Variants in NCOA2 observed in about 807,000 individuals in gnomAD.
NCOA2 encodes the protein class E basic helix-loop-helix protein 75.
NCOA2 carries 21 observed loss-of-function variants against 145.1 expected under a neutral mutation model. The observed-to-expected ratio is 0.14, with a 90% CI of 0.10 to 0.21. The LOEUF (loss-of-function observed/expected upper bound fraction) is 0.21, where lower values mean the gene tolerates loss of function less well. Among genes scored for constraint, NCOA2 ranks in the 10% least tolerant of loss-of-function variants. NCOA2 has a pLI of 1.00. For synonymous variants in NCOA2, 619 were observed against 637.5 expected (o/e 0.97, Z 0.44); for missense variants, 1,472 against 1,837.6 (o/e 0.80, Z 3.64).
chr8:70,405,182 CT>C (rs1258950176), upstream of NCOA2, among the ~76,000 whole-genome samples: 2 of 152,158 alleles, frequency 1.3e-5, no homozygotes, highest in Non-Finnish European at 2.9e-5. Context: ...AAAGCCCATG[CT>C]TTTAAACATG....
chr8:70,138,876 T>A (rs966522646), intron 14 of NCOA2, among the ~76,000 whole-genome samples: 2 of 152,278 alleles, frequency 1.3e-5, no homozygotes, highest in Admixed American at 1.3e-4. Flanking sequence ...TCATATAGCA[T>A]GTAAAATTTC....
chr8:70,128,553 T>C (rs1345689126), intron 17 of NCOA2, 43 bp from the exon 18 acceptor site: 1 of 1,597,960 alleles, frequency 6.3e-7, no homozygotes, highest in Non-Finnish European at 8.6e-7. Context: ...AAGAACAGAA[T>C]ACATTTTACT....
In NCOA2 at chr8:70,281,604, C is replaced by G. The variant is rs1190215724; in HGVS notation, c.-20+15140G>C. Among the ~76,000 whole-genome samples the G allele has an allele frequency of 5.5e-4, 83 of 152,092 alleles. 2 individuals carry two copies. Among genetic ancestry groups the G allele is most frequent in the Non-Finnish European group, 1.0e-4 (7 of 68,004 alleles). On this transcript the variant is annotated intron_variant, in intron 2 of 22. Coordinates refer to ENST00000452400, the MANE Select transcript of NCOA2 (RefSeq NM_006540.4). ...TCATCACCCCCCACCTCTTTGTTTTCTTGGATAGTAGCAGCAAAAGTAACA... is the reference window on the plus strand; with the variant it reads ...TCATCACCCCCCACCTCTTTGTTTTGTTGGATAGTAGCAGCAAAAGTAACA...
chr8:70,314,334 C>T (rs1160843227), intron 1 of NCOA2, among the ~76,000 whole-genome samples: 1 of 151,830 alleles, frequency 6.6e-6, no homozygotes, highest in Non-Finnish European at 1.5e-5. Flanking sequence ...CTATTTCTAT[C>T]TATGGACTAA....
upstream of NCOA2, among the ~76,000 whole-genome samples, chr8:70,408,549 A>G (rs951297855): frequency 2.0e-5 from 3 of 152,238 alleles, no homozygotes; most frequent in East Asian, 5.8e-4. Flanking sequence ...TTGTAGTTCC[A>G]GCTACTTGGG....
At chr8:70,187,429 T>C (rs2133154936) in intron 4 of NCOA2, among the ~76,000 whole-genome samples, 1 of 152,310 alleles carries the variant, frequency 6.6e-6, no homozygotes, top group East Asian at 1.9e-4. Flanking sequence ...GGTTACGTGC[T>C]CTCAAATACA....
At chr8:70,341,378 C>T (rs1222616166) in intron 1 of NCOA2, among the ~76,000 whole-genome samples, 1 of 152,148 alleles carries the variant, frequency 6.6e-6, no homozygotes, top group Non-Finnish European at 1.5e-5. Context: ...CAGAGCAAGA[C>T]CCTGTCTCAA....
the NCOA2 span, among the ~76,000 whole-genome samples, chr8:70,441,950 G>C: frequency 9.8e-4 from 129 of 131,962 alleles, 2 homozygotes; most frequent in Non-Finnish European, 8.6e-4. Context: ...AAGAAAGAAA[G>C]AAAGGAAAGA....
At chr8:70,231,788 T>C (rs1425794508) in intron 2 of NCOA2, among the ~76,000 whole-genome samples, 1 of 152,166 alleles carries the variant, frequency 6.6e-6, no homozygotes, top group South Asian at 2.1e-4. Context: ...TGCCCTTATA[T>C]AGAATCTTTC....
At chr8:70,313,583 A>G (rs1805306219) in intron 1 of NCOA2, among the ~76,000 whole-genome samples, 1 of 152,182 alleles carries the variant, frequency 6.6e-6, no homozygotes, top group Non-Finnish European at 1.5e-5. Flanking sequence ...CCTTCACCTC[A>G]TATATATGAA....
intron 2 of NCOA2, among the ~76,000 whole-genome samples, chr8:70,282,200 T>C (rs919387167): frequency 3.3e-5 from 5 of 152,174 alleles, no homozygotes; most frequent in Admixed American, 3.3e-4. Flanking sequence ...CATCTCAATA[T>C]GGGGTTCATG....
intron 1 of NCOA2, among the ~76,000 whole-genome samples, chr8:70,300,468 T>C (rs1827403438): frequency 6.6e-6 from 1 of 152,184 alleles, no homozygotes; most frequent in Non-Finnish European, 1.5e-5. Flanking sequence ...CATATGGTGG[T>C]GTGAACACCT....
the NCOA2 span, among the ~76,000 whole-genome samples, chr8:70,410,390 C>G: frequency 3.0e-4 from 46 of 152,182 alleles, no homozygotes; most frequent in East Asian, 8.3e-3. Context: ...GAAATGAGAA[C>G]AGATGTTCAC....
chr8:70,196,792 T>G (rs1029594716), intron 4 of NCOA2, among the ~76,000 whole-genome samples: 2 of 152,234 alleles, frequency 1.3e-5, no homozygotes, highest in Non-Finnish European at 2.9e-5. Flanking sequence ...AAAGGCAAAG[T>G]TGAAGACATG....
intron 2 of NCOA2, among the ~76,000 whole-genome samples, chr8:70,281,017 G>A (rs1586355343): frequency 6.6e-6 from 1 of 151,834 alleles, no homozygotes. Context: ...GGCTATGGAA[G>A]CTTCTAATGT....
chr8:70,143,691 T>C (rs1202163668), intron 13 of NCOA2, among the ~76,000 whole-genome samples: 2 of 152,194 alleles, frequency 1.3e-5, no homozygotes, highest in African/African-American at 4.8e-5. Context: ...TGAACTCTTA[T>C]ATTCAGTTAA....
At chr8:70,188,667 C>A (rs1454405141) in intron 4 of NCOA2, among the ~76,000 whole-genome samples, 1 of 152,074 alleles carries the variant, frequency 6.6e-6, no homozygotes, top group Non-Finnish European at 1.5e-5. Context: ...AACCTGAAAT[C>A]ATTTCAGTCT....
chr8:70,322,405 AG>A, intron 1 of NCOA2, among the ~76,000 whole-genome samples: 1 of 152,322 alleles, frequency 6.6e-6, no homozygotes, highest in East Asian at 1.9e-4. Flanking sequence ...AGAAAACTGT[AG>A]ATTTCTATAT....
intron 1 of NCOA2, among the ~76,000 whole-genome samples, chr8:70,324,411 G>A (rs532370309): frequency 2.0e-4 from 30 of 152,178 alleles, no homozygotes; most frequent in South Asian, 1.2e-3. Context: ...ACCAAAGCTC[G>A]CTGCAATCTC....
Sources: allele counts gnomAD v4.1 joint callset (sites outside exome capture counted in the v4.1 genomes callset), GRCh38; gene constraint gnomAD v4.1.1; transcripts MANE v1.5; gene names NCBI Gene and HGNC (gene_info 2026-07-23, HGNC 2026-07-21).